Variants in ALMS1 observed in about 807,000 individuals in gnomAD.
ALMS1 encodes ALMS1 centrosome and basal body associated protein, also known as centrosome-associated protein ALMS1.
ALMS1 carries 271 observed loss-of-function variants against 352.2 expected under a neutral mutation model. That is an observed-to-expected ratio of 0.77 (90% CI 0.70 to 0.85). ALMS1 has a LOEUF of 0.85. Ranked by LOEUF, ALMS1 falls within the 40% of genes least tolerant of loss-of-function variation. The probability of loss-of-function intolerance (pLI) is 0.00; values close to 1 mark genes in which losing one functional copy is unlikely to be tolerated. For missense variants in ALMS1, 5,445 were observed against 4,870.7 expected (o/e 1.12, Z -3.51); for synonymous variants, 1,865 against 1,761.2 (o/e 1.06, Z -1.48).
intron 9 of ALMS1, chr2:73,456,857 G>GTGAT (rs1164768889): frequency 6.6e-6 from 1 of 152,118 alleles, no homozygotes; most frequent in Non-Finnish European, 1.5e-5. Context: ...AGTTTTCTCA[G>GTGAT]TGATCTGTGT....
intron 11 of ALMS1, among the ~76,000 whole-genome samples, chr2:73,534,458 T>C (rs1440167172): frequency 6.6e-6 from 1 of 152,140 alleles, no homozygotes; most frequent in Non-Finnish European, 1.5e-5. Context: ...ATATATGGAA[T>C]GGATTGCTAA....
chr2:73,568,683 A>C (rs1041040649), intron 15 of ALMS1, among the ~76,000 whole-genome samples: 9 of 152,168 alleles, frequency 5.9e-5, no homozygotes, highest in African/African-American at 2.2e-4. Context: ...GTTCATATTA[A>C]ATTTGTCTGC....
chr2:73,605,624 A>C (rs1236617771), intron 21 of ALMS1, among the ~76,000 whole-genome samples: 1 of 152,206 alleles, frequency 6.6e-6, no homozygotes, highest in African/African-American at 2.4e-5. Flanking sequence ...CAAGGTGGGC[A>C]GATCACTTGA....
chr2:73,526,083 C>G (rs1673785322), intron 11 of ALMS1, among the ~76,000 whole-genome samples: 1 of 152,058 alleles, frequency 6.6e-6, no homozygotes, highest in African/African-American at 2.4e-5. Flanking sequence ...AATGAGTTCA[C>G]TGTAGGTGTG....
Position 73,455,162 on chromosome 2 carries a change from C to A in ALMS1, c.7541C>A (p.Ala2514Asp), listed in dbSNP as rs1672033609. 1.9e-6 allele frequency: 3 copies of A among 1,613,152 alleles called. No homozygotes were observed. The highest frequency in any genetic ancestry group is 2.2e-5 in the East Asian group (1 of 44,858). The change falls in exon 9 of 23, where the codon GCC (alanine) becomes GAC (aspartate). Residue 2514 changes from alanine (A) to aspartate (D), a missense_variant and splice_region_variant. Physicochemically the swap from Ala to Asp is moderately radical, Grantham distance 126 (BLOSUM62 -2). Coordinates refer to ENST00000613296, the MANE Select transcript of ALMS1 (RefSeq NM_001378454.1). ...TCTCAAGTGTATGCTTTCTCTCCAG[C>A]CTGGAATATGAAGTTCAATTTAGCA... ...EEEESRVRAHAWNMKFNLAHD... is the reference protein window; with the variant it reads ...EEEESRVRAHDWNMKFNLAHD...
At chr2:73,489,537 A>G in intron 9 of ALMS1, 97 bp from the exon 10 acceptor site, 1 of 1,398,124 alleles carries the variant, frequency 7.2e-7, no homozygotes, top group Admixed American at 1.7e-5. Flanking sequence ...TCATGGTCTA[A>G]TCTTAGCGTG....
At chr2:73,437,872 G>T in intron 7 of ALMS1, among the ~76,000 whole-genome samples, 1 of 152,040 alleles carries the variant, frequency 6.6e-6, no homozygotes, top group East Asian at 1.9e-4. Flanking sequence ...TATTCTACCT[G>T]GTACTCAACC....
At chr2:73,474,930 C>G (rs184045190) in intron 9 of ALMS1, among the ~76,000 whole-genome samples, 274 of 152,238 alleles carry the variant, frequency 1.8e-3, no homozygotes, top group Admixed American at 3.3e-3. Flanking sequence ...TAGGCAAACA[C>G]CAGTCCACTT....
chr2:73,521,104 T>C (rs1673665999), intron 11 of ALMS1, among the ~76,000 whole-genome samples: 1 of 152,226 alleles, frequency 6.6e-6, no homozygotes. Context: ...AAGATGGTTA[T>C]AATTCTTGAA....
chr2:73,466,300 A>C lies in ALMS1; in HGVS notation c.7674+11005A>C, dbSNP rs563889786. ...ACATATACACCATGGAATACTATGCAGCCATAAAAAATGATGAGTTCATGT... is the reference window on the plus strand; with the variant it reads ...ACATATACACCATGGAATACTATGCCGCCATAAAAAATGATGAGTTCATGT... On this transcript the variant is annotated intron_variant, in intron 9 of 22. Coordinates refer to ENST00000613296, the MANE Select transcript of ALMS1 (RefSeq NM_001378454.1). 3.7e-3 allele frequency among the ~76,000 whole-genome samples: 567 copies of C among 152,226 alleles called. 3 individuals carry two copies. The highest frequency in any genetic ancestry group is 0.013 in the African/African-American group (519 of 41,514).
Position 73,408,726 on chromosome 2 carries a change from G to A in ALMS1, c.429G>A (p.Gln143=), listed in dbSNP as rs13004308. The change falls in exon 2 of 23, where the codon CAG becomes CAA. Residue 143 remains glutamine, a synonymous_variant. Coordinates refer to ENST00000613296, the MANE Select transcript of ALMS1 (RefSeq NM_001378454.1). The part of the protein sequence containing the change: ...TNVVCLETTA[Q]RGSGDDQKTE... ...TGGTCTGTTTGGAAACAACAGCTCA[G>A]CGGGGTTCTGGGGATGATCAGGTAT... is the stretch of plus-strand genomic sequence containing the variant. 6.2e-7 allele frequency: 1 copy of A among 1,612,962 alleles called. No homozygotes were observed. The highest frequency in any genetic ancestry group is 1.1e-5 in the South Asian group (1 of 91,048).
intron 10 of ALMS1, among the ~76,000 whole-genome samples, chr2:73,518,210 A>G (rs776482226): frequency 9.9e-5 from 15 of 151,696 alleles, no homozygotes; most frequent in South Asian, 2.1e-4. Flanking sequence ...AAATGTGAGG[A>G]TGCAGTATTT....
chr2:73,537,775 G>A (rs1259276548), intron 12 of ALMS1, among the ~76,000 whole-genome samples: 7 of 152,164 alleles, frequency 4.6e-5, no homozygotes, highest in Non-Finnish European at 4.4e-5. Flanking sequence ...GGGAGGCCAA[G>A]ATGGGAGGAT....
chr2:73,550,230 T>C (rs1181755761), intron 12 of ALMS1, 37 bp from the exon 13 acceptor site: 2 of 1,611,478 alleles, frequency 1.2e-6, no homozygotes, highest in Admixed American at 3.3e-5. Flanking sequence ...CTCATGTCGC[T>C]ATTTGTGTTT....
At chr2:73,461,518 G>A (rs1452496013) in intron 9 of ALMS1, among the ~76,000 whole-genome samples, 4 of 152,184 alleles carry the variant, frequency 2.6e-5, no homozygotes, top group African/African-American at 9.6e-5. Flanking sequence ...AAACAGAGCA[G>A]AAAAACTGGA....
chr2:73,549,091 A>G (rs1482392775), intron 12 of ALMS1, among the ~76,000 whole-genome samples: 1 of 152,174 alleles, frequency 6.6e-6, no homozygotes, highest in African/African-American at 2.4e-5. Context: ...TCTTATTGCC[A>G]TATACATACT....
chr2:73,473,130 C>T (rs1186127153), intron 9 of ALMS1, among the ~76,000 whole-genome samples: 3 of 152,070 alleles, frequency 2.0e-5, no homozygotes, highest in African/African-American at 7.2e-5. Context: ...CCTAAGCTTT[C>T]ACCACTAGCT....
Position 73,386,100 on chromosome 2 carries a change from G to A in ALMS1, c.232G>A (p.Ala78Thr), listed in dbSNP as rs1203256571. 1 of 1,593,896 alleles carries A rather than the reference G, an allele frequency of 6.3e-7. No homozygotes were observed. The highest frequency in any genetic ancestry group is 1.1e-5 in the South Asian group (1 of 87,568). The change falls in exon 1 of 23, where the codon GCC (alanine) becomes ACC (threonine). Residue 78 changes from alanine to threonine, a missense_variant. Coordinates refer to ENST00000613296, the MANE Select transcript of ALMS1 (RefSeq NM_001378454.1). ...CGACGAGGAGGACGAGGAGGCCAAG[G>A]CCTGGCTGCAGGCGCACCCCGGCAG... Reference protein sequence around the residue: ...IDDEEDEEAKAWLQAHPGRIL... With the variant: ...IDDEEDEEAKTWLQAHPGRIL...
intron 12 of ALMS1, among the ~76,000 whole-genome samples, chr2:73,548,392 G>C (rs1229622841): frequency 6.6e-6 from 1 of 152,106 alleles, no homozygotes. Context: ...TCACTGACAC[G>C]CACACATGTG....
Sources: gnomAD v4.1 joint callset for allele counts (sites outside exome capture counted in the v4.1 genomes callset) on GRCh38, gnomAD v4.1.1 for gene constraint, MANE v1.5 for transcripts, NCBI Gene and HGNC (gene_info 2026-07-23, HGNC 2026-07-21) for gene names.